The following AGO2 variants were observed in gnomAD, a reference collection of about 807,000 sequenced individuals.
AGO2 encodes protein argonaute-2.
Under a neutral mutation model 102.3 loss-of-function variants are expected in AGO2, and 5 were observed. That is an observed-to-expected ratio of 0.05 (90% confidence interval 0.03 to 0.10). AGO2 has a LOEUF of 0.10. Among genes scored for constraint, AGO2 ranks in the 10% least tolerant of loss-of-function variants. The pLI is 1.00. For missense variants in AGO2, 541 were observed against 1,183.7 expected (o/e 0.46, Z 7.97); for synonymous variants, 449 against 473.1 (o/e 0.95, Z 0.66).
At position 140,578,664 on chromosome 8, in the gene AGO2, G is replaced by A. The variant is rs564995166; in HGVS notation, c.216-5732C>T. Among the ~76,000 whole-genome samples, 200 of 152,320 alleles carry A rather than the reference G, an allele frequency of 1.3e-3. 1 individual carries two copies. Among genetic ancestry groups the A allele is most frequent in the Non-Finnish European group, 4.9e-4 (33 of 68,028 alleles). Reference sequence around the variant, plus strand: ...TTGCATGCATTCCGTCCACCAGTGGGGCCCCAGCCTCTAAGAGAGTGACCC... The same window carrying A: ...TTGCATGCATTCCGTCCACCAGTGGAGCCCCAGCCTCTAAGAGAGTGACCC... On this transcript the variant is annotated intron_variant, in intron 2 of 18. Coordinates refer to ENST00000220592, the MANE Select transcript of AGO2 (RefSeq NM_012154.5).
rs1039172901 is a variant in AGO2, at chr8:140,567,677, G to C, written c.337-5043C>G. On this transcript the variant is annotated intron_variant, in intron 3 of 18. Coordinates refer to ENST00000220592, the MANE Select transcript of AGO2 (RefSeq NM_012154.5). This position sits in a 1 kb window ranked among gnomAD's most constrained non-coding sequence, Gnocchi z 5.0. The stretch of plus-strand genomic sequence containing the variant: ...CGATCCAAGGCCTGGAGCACGGCGA[G>C]GCACCTGTGACATCCAATCTCCCCA... 3.3e-5 allele frequency among the ~76,000 whole-genome samples: 5 copies of C among 152,202 alleles called. No homozygotes were observed. The highest frequency in any genetic ancestry group is 1.3e-4 in the Admixed American group (2 of 15,280).
At chr8:140,586,082 C>G (rs1448183767) in intron 1 of AGO2, among the ~76,000 whole-genome samples, 1 of 152,218 alleles carries the variant, frequency 6.6e-6, no homozygotes, top group Non-Finnish European at 1.5e-5. Flanking sequence ...GGCCTTCCAC[C>G]AAGTCGCCAT....
At chr8:140,640,549 C>T (rs1000729034), upstream of AGO2, among the ~76,000 whole-genome samples, 2 of 151,774 alleles carry the variant, frequency 1.3e-5, no homozygotes, top group Non-Finnish European at 2.9e-5. Context: ...GATGGAGTCT[C>T]GCTCTGTTGC....
chr8:140,553,061 T>C (rs1029314323), intron 10 of AGO2, among the ~76,000 whole-genome samples: 15 of 152,164 alleles, frequency 9.9e-5, no homozygotes, highest in Non-Finnish European at 2.1e-4. Context: ...CACATTATAA[T>C]GTTTTAGAGA....
At position 140,562,647 on chromosome 8, in the gene AGO2, A is replaced by G. The variant is rs776191774; in HGVS notation, c.337-13T>C. 1 of 1,610,982 alleles carries G rather than the reference A, an allele frequency of 6.2e-7. No individual in the cohort carries two copies. Among genetic ancestry groups the G allele is most frequent in the Non-Finnish European group, 8.5e-7 (1 of 1,178,340 alleles). On this transcript the variant is annotated splice_polypyrimidine_tract_variant and intron_variant, in intron 3 of 18. Transcript: ENST00000220592. ...CCTCCAGCTCCACCTGCGAGGATCCAAGGCACACAAGGTTACTCCCTCCTG... is the reference window on the plus strand; with the variant it reads ...CCTCCAGCTCCACCTGCGAGGATCCGAGGCACACAAGGTTACTCCCTCCTG...
upstream of AGO2, chr8:140,636,634 C>T (rs1398482425): frequency 1.3e-5 from 2 of 152,086 alleles, no homozygotes; most frequent in Admixed American, 6.5e-5. Flanking sequence ...ACAGGAGCTC[C>T]GCAGCCAGCA....
At chr8:140,566,618 T>G (rs4961221) in intron 3 of AGO2, among the ~76,000 whole-genome samples, 25,736 of 126,496 alleles carry the variant, frequency 0.2, 2,621 homozygotes, top group Admixed American at 0.34. Context: ...TTTTTTTTTT[T>G]GGGGGGGGGG....
rs2072451505 is a variant in AGO2, at chr8:140,523,629, C to T, written c.*8415G>A. ...CTTGCTTGCCTCTACAGTTATAAAA[C>T]ATGAATTCATACCTTTAACAACTAC... On this transcript the variant is annotated 3_prime_UTR_variant, in exon 19 of 19. Coordinates refer to ENST00000220592, the MANE Select transcript of AGO2 (RefSeq NM_012154.5). 6.6e-6 allele frequency: 1 copy of T among 152,174 alleles called. No individual in the cohort carries two copies. Among genetic ancestry groups the T allele is most frequent in the Admixed American group, 6.5e-5 (1 of 15,282 alleles). The allele number at this position is 152,174 out of a possible 1,614,324, so 9.4% of individuals were successfully genotyped here.
At chr8:140,619,559 CACTG>C (rs1482142100) in intron 1 of AGO2, among the ~76,000 whole-genome samples, 1 of 152,200 alleles carries the variant, frequency 6.6e-6, no homozygotes, top group Admixed American at 6.5e-5. Flanking sequence ...AAAGGCCGCT[CACTG>C]CGCCGCAGAG....
At position 140,540,014 on chromosome 8, in the gene AGO2, C is replaced by T. The variant is rs1372143286; in HGVS notation, c.2035-560G>A. Among the ~76,000 whole-genome samples, 3 of 152,100 alleles carry T rather than the reference C, an allele frequency of 2.0e-5. No individual in the cohort carries two copies. Among genetic ancestry groups the T allele is most frequent in the East Asian group, 1.9e-4 (1 of 5,188 alleles). On this transcript the variant is annotated intron_variant, in intron 15 of 18. Coordinates refer to ENST00000220592, the MANE Select transcript of AGO2 (RefSeq NM_012154.5). This position sits in a 1 kb window ranked among gnomAD's most constrained non-coding sequence, Gnocchi z 5.0. ...CAGAGGCAGGAGAACTGCTTGAACC[C>T]GGGAGGTGGAGGTTGCAGTGAGCCG...
chr8:140,613,438 G>A (rs2152102711), intron 1 of AGO2, among the ~76,000 whole-genome samples: 1 of 152,298 alleles, frequency 6.6e-6, no homozygotes, highest in African/African-American at 2.4e-5. Context: ...TTAAACTCCT[G>A]TTTTAATTTG....
rs538724511 is a variant in AGO2, at chr8:140,583,104, C to G, written c.215+2015G>C. On this transcript the variant is annotated intron_variant, in intron 2 of 18. Coordinates refer to ENST00000220592, the MANE Select transcript of AGO2 (RefSeq NM_012154.5). Reference sequence around the variant, plus strand: ...AAGGAGAGAAAGAGTGATTTCTTCTCTCCCTCCTGGGGCTGGGGCACTGTC... The same window carrying G: ...AAGGAGAGAAAGAGTGATTTCTTCTGTCCCTCCTGGGGCTGGGGCACTGTC... Among the ~76,000 whole-genome samples, 3 of 152,358 alleles carry G rather than the reference C, an allele frequency of 2.0e-5. No homozygotes were observed. In the East Asian group the frequency reaches 5.8e-4, roughly 29 times the overall value.
rs1274709082 is a variant in AGO2, at chr8:140,522,749, G to GAA, written c.*9294_*9295insTT. 12 of 149,418 alleles carry GAA rather than the reference G, an allele frequency of 8.0e-5. No homozygotes were observed. The highest frequency in any genetic ancestry group is 3.0e-4 in the African/African-American group (12 of 40,590). 9.3% of individuals were successfully genotyped at this position (149,418 alleles called of 1,614,324 possible). A position where few individuals can be genotyped will look rare whatever the true frequency, so the allele number is the denominator to read the frequency against. On this transcript the variant is annotated 3_prime_UTR_variant, in exon 19 of 19. Transcript: ENST00000220592. Reference sequence around the variant, plus strand: ...GGGGAGAGAGAGAGAGAGAGAGAGAGGTGTATCACTGAATGCTTCCCTTTA... The same window carrying GAA: ...GGGGAGAGAGAGAGAGAGAGAGAGAGAAGTGTATCACTGAATGCTTCCCTTTA...
At chr8:140,602,506 T>C (rs1310564660) in intron 1 of AGO2, among the ~76,000 whole-genome samples, 1 of 152,254 alleles carries the variant, frequency 6.6e-6, no homozygotes, top group East Asian at 1.9e-4. Flanking sequence ...ACGGTGGCGT[T>C]AGAAAACCGT....
intron 1 of AGO2, among the ~76,000 whole-genome samples, chr8:140,618,056 C>A (rs2074164415): frequency 6.6e-6 from 1 of 152,022 alleles, no homozygotes; most frequent in Non-Finnish European, 1.5e-5. Flanking sequence ...GTAATCCCAG[C>A]ACTTTGGGAG....
intron 3 of AGO2, among the ~76,000 whole-genome samples, chr8:140,566,566 G>A (rs2073287391): frequency 6.6e-6 from 1 of 150,856 alleles, no homozygotes; most frequent in Non-Finnish European, 1.5e-5. Flanking sequence ...CAACATGGCA[G>A]ACATTCCTGC....
In AGO2 at chr8:140,573,152, G is replaced by A. The variant is rs188096516; in HGVS notation, c.216-220C>T. Reference sequence around the variant, plus strand: ...AACCTCACAAGTAGCTGGGATTAACGCCACCACGCCCGGCTAATTTTTTCT... The same window carrying A: ...AACCTCACAAGTAGCTGGGATTAACACCACCACGCCCGGCTAATTTTTTCT... On this transcript the variant is annotated intron_variant, in intron 2 of 18. Coordinates refer to ENST00000220592, the MANE Select transcript of AGO2 (RefSeq NM_012154.5). Among the ~76,000 whole-genome samples the A allele has an allele frequency of 5.7e-4, 87 of 151,510 alleles. No homozygotes were observed. In the East Asian group the frequency reaches 0.01, roughly 18 times the overall value.
At chr8:140,587,819 C>G (rs929458217) in intron 1 of AGO2, among the ~76,000 whole-genome samples, 3 of 152,228 alleles carry the variant, frequency 2.0e-5, no homozygotes, top group Non-Finnish European at 2.9e-5. Context: ...CATGTGCTCT[C>G]TGTTAAAGAA....
chr8:140,619,133 G>C (rs1358104505), intron 1 of AGO2, among the ~76,000 whole-genome samples: 1 of 152,038 alleles, frequency 6.6e-6, no homozygotes, highest in Non-Finnish European at 1.5e-5. Context: ...CATGGAAGGA[G>C]GAGGCCCCTG....
Sources: allele counts gnomAD v4.1 joint callset (sites outside exome capture counted in the v4.1 genomes callset), GRCh38; gene constraint gnomAD v4.1.1; non-coding constraint Gnocchi (gnomAD v3.1); transcripts MANE v1.5; gene names NCBI Gene and HGNC (gene_info 2026-07-23, HGNC 2026-07-21).